The following ANTXRL variants were observed in gnomAD, a reference collection of about 807,000 sequenced individuals.
ANTXRL encodes the protein anthrax toxin receptor-like.
In ANTXRL, 63 loss-of-function variants were observed where a neutral mutation model predicts 75.4. That is an observed-to-expected ratio of 0.84 (90% CI 0.68 to 1.03). ANTXRL has a LOEUF of 1.03. Among genes scored for constraint, ANTXRL ranks in the 50% least tolerant of loss-of-function variants. The pLI, the probability that ANTXRL is intolerant of heterozygous loss-of-function variation, is 0.00. For missense variants in ANTXRL, 797 were observed against 789.4 expected (o/e 1.01, Z -0.12); for synonymous variants, 335 against 291.3 (o/e 1.15, Z -1.53).
chr10:46,300,519 C>CT (rs1554960234), intron 9 of ANTXRL, among the ~76,000 whole-genome samples: 23 of 151,930 alleles, frequency 1.5e-4, no homozygotes, highest in East Asian at 5.8e-4. Flanking sequence ...ATCTCCCTCT[C>CT]CAGCCTGGCA....
intron 9 of ANTXRL, among the ~76,000 whole-genome samples, chr10:46,300,387 C>T (rs1366351793): frequency 2.0e-5 from 3 of 152,146 alleles, no homozygotes; most frequent in Non-Finnish European, 4.4e-5. Context: ...GGCATGCAGC[C>T]CAGACTCCCC....
chr10:46,315,514 C>A (rs1838677659), intron 16 of ANTXRL, among the ~76,000 whole-genome samples: 1 of 152,220 alleles, frequency 6.6e-6, no homozygotes, highest in African/African-American at 2.4e-5. Context: ...TCCAGGATCT[C>A]CCCTCAGACA....
chr10:46,287,230 A>G lies in ANTXRL; in HGVS notation c.-33A>G, dbSNP rs1382344959. The G allele has an allele frequency of 6.5e-7, 1 of 1,532,294 alleles. No homozygotes were observed. Among genetic ancestry groups the G allele is most frequent in the Admixed American group, 2.0e-5 (1 of 50,780 alleles). The allele number at this position is 1,532,294 out of a possible 1,614,324, so 94.9% of individuals were successfully genotyped here. A position where few individuals can be genotyped will look rare whatever the true frequency, so the allele number is the denominator to read the frequency against. ...CTCTGGGCCCTGGCACAGGCACCCA[A>G]GAGTGAGGTGGGGTCACAGGGACAG... On this transcript the variant is annotated 5_prime_UTR_variant, in exon 1 of 17. Transcript: ENST00000620264.
chr10:46,298,805 GGGTGTGT>G (rs1302639151), intron 9 of ANTXRL, among the ~76,000 whole-genome samples: 10 of 151,290 alleles, frequency 6.6e-5, no homozygotes, highest in Non-Finnish European at 1.2e-4. Flanking sequence ...TGTGTACTTC[GGGTGTGT>G]GGTGTGTGGT....
At chr10:46,309,283 C>T (rs1205586864) in intron 13 of ANTXRL, 81 bp downstream of exon 13, 14 of 1,500,698 alleles carry the variant, frequency 9.3e-6, no homozygotes, top group East Asian at 5.0e-5. Context: ...GACTGCCCCC[C>T]GTGATCCCGC....
At chr10:46,326,749 T>TGAC (rs1259748898) in intron 16 of ANTXRL, among the ~76,000 whole-genome samples, 1 of 152,024 alleles carries the variant, frequency 6.6e-6, no homozygotes, top group Non-Finnish European at 1.5e-5. Context: ...AGTCGGCTTG[T>TGAC]GGTCAGGAGG....
intron 16 of ANTXRL, among the ~76,000 whole-genome samples, chr10:46,315,537 G>A (rs1455831086): frequency 7.2e-5 from 11 of 152,190 alleles, no homozygotes; most frequent in African/African-American, 2.7e-4. Context: ...GATTCACTCA[G>A]GCCCTCAGCA....
At chr10:46,297,582 T>C (rs1340462923) in intron 7 of ANTXRL, 108 bp downstream of exon 7, 12 of 1,123,986 alleles carry the variant, frequency 1.1e-5, no homozygotes, top group Middle Eastern at 5.7e-4. Flanking sequence ...CCCAAGTGAG[T>C]TGGGCCAACT....
At chr10:46,300,577 T>C (rs34649345) in intron 9 of ANTXRL, among the ~76,000 whole-genome samples, 45,016 of 149,318 alleles carry the variant, frequency 0.3, 6,717 homozygotes, top group African/African-American at 0.43. Flanking sequence ...AGGGTCCACT[T>C]CCTGTTCTGG....
intron 16 of ANTXRL, among the ~76,000 whole-genome samples, chr10:46,327,364 G>T (rs1455532676): frequency 6.6e-6 from 1 of 152,102 alleles, no homozygotes; most frequent in African/African-American, 2.4e-5. Flanking sequence ...TTGGGGATGG[G>T]TGGAGTCAGG....
chr10:46,297,964 C>A, intron 8 of ANTXRL, 38 bp from the exon 9 acceptor site: 7 of 1,535,682 alleles, frequency 4.6e-6, no homozygotes, highest in Non-Finnish European at 6.1e-6. Context: ...GCAGGAAGCT[C>A]ACTCTCCCTG....
At chr10:46,318,755 G>A (rs1356771531) in intron 16 of ANTXRL, among the ~76,000 whole-genome samples, 2 of 152,114 alleles carry the variant, frequency 1.3e-5, no homozygotes, top group Admixed American at 6.6e-5. Flanking sequence ...TTTAAGGATT[G>A]TTTAACATAT....
intron 16 of ANTXRL, among the ~76,000 whole-genome samples, chr10:46,314,287 C>T (rs1349949717): frequency 2.6e-5 from 4 of 152,236 alleles, no homozygotes; most frequent in African/African-American, 4.8e-5. Context: ...CCGCTGGGCT[C>T]CTGGCTCTGT....
intron 9 of ANTXRL, 117 bp downstream of exon 9, chr10:46,298,179 G>A: frequency 1.0e-6 from 1 of 979,410 alleles, no homozygotes; most frequent in Non-Finnish European, 1.5e-6. Flanking sequence ...GGGAGTGTGT[G>A]AGTGTGGTGT....
At chr10:46,308,210 T>C (rs1346465940) in intron 12 of ANTXRL, among the ~76,000 whole-genome samples, 1 of 152,180 alleles carries the variant, frequency 6.6e-6, no homozygotes, top group Non-Finnish European at 1.5e-5. Flanking sequence ...TGCCTGTCCC[T>C]GCACATCCAT....
At chr10:46,323,204 C>T (rs2132906243) in intron 16 of ANTXRL, among the ~76,000 whole-genome samples, 1 of 152,254 alleles carries the variant, frequency 6.6e-6, no homozygotes, top group South Asian at 2.1e-4. Flanking sequence ...AGGAAGAATT[C>T]CCTCCTCTAT....
chr10:46,315,959 T>A (rs1176992720), intron 16 of ANTXRL, among the ~76,000 whole-genome samples: 1 of 152,106 alleles, frequency 6.6e-6, no homozygotes, highest in East Asian at 1.9e-4. Context: ...GATAGTGTCC[T>A]CTTCCAGGCC....
At position 46,297,526 on chromosome 10, in the gene ANTXRL, C is replaced by T. The variant is rs116220311; in HGVS notation, c.654+52C>T. On this transcript the variant is annotated intron_variant, in intron 7 of 16. Transcript: ENST00000620264. ...CACTTTCAAGCCTAGTGGTCACTTT[C>T]GAGCCAACCGTCCCGGGCCACCCCA... 9.0e-4 allele frequency: 1,365 copies of T among 1,522,274 alleles called. 12 individuals carry two copies. The African/African-American group carries it at 0.016, about 18-fold the overall frequency. 94.3% of individuals were successfully genotyped at this position (1,522,274 alleles called of 1,614,324 possible).
intron 16 of ANTXRL, 89 bp downstream of exon 16, chr10:46,313,405 C>A (rs1838545988): frequency 6.8e-6 from 9 of 1,326,300 alleles, no homozygotes; most frequent in Non-Finnish European, 9.4e-6. Flanking sequence ...GCTCAGAGAG[C>A]CATGTCAGGC....
Sources: allele counts gnomAD v4.1 joint callset (sites outside exome capture counted in the v4.1 genomes callset), GRCh38; gene constraint gnomAD v4.1.1; transcripts MANE v1.5; gene names NCBI Gene and HGNC (gene_info 2026-07-23, HGNC 2026-07-21).